Variants in LZTS1 observed in about 807,000 individuals in gnomAD.
The protein encoded by LZTS1 is leucine zipper tumor suppressor 1.
A neutral mutation model predicts 45.8 loss-of-function variants in LZTS1; 31 were observed. That is an observed-to-expected ratio of 0.68 (90% CI 0.51 to 0.91). LZTS1 has a LOEUF of 0.91. Among genes scored for constraint, LZTS1 ranks in the 40% least tolerant of loss-of-function variants. The pLI, the probability that LZTS1 is intolerant of heterozygous loss-of-function variation, is 0.00. For synonymous variants in LZTS1, 359 were observed against 357.3 expected (o/e 1.00, Z -0.05); for missense variants, 821 against 788.9 (o/e 1.04, Z -0.49).
At chr8:20,279,963 G>A (rs1248996318) in intron 1 of LZTS1, among the ~76,000 whole-genome samples, 5 of 111,468 alleles carry the variant, frequency 4.5e-5, no homozygotes, top group Admixed American at 2.0e-4. Flanking sequence ...GAGAGAAACC[G>A]TGTCTCAAAA....
At chr8:20,269,946 CACTA>C (rs1800439130) in intron 1 of LZTS1, among the ~76,000 whole-genome samples, 1 of 152,174 alleles carries the variant, frequency 6.6e-6, no homozygotes, top group Non-Finnish European at 1.5e-5. Context: ...GGGAGCCTCT[CACTA>C]ACGGGCACCC....
chr8:20,254,729 T>A (rs1348818098), intron 2 of LZTS1, 108 bp downstream of exon 2: 1 of 903,112 alleles, frequency 1.1e-6, no homozygotes, highest in Non-Finnish European at 1.6e-6. Flanking sequence ...TTTTGAGGAG[T>A]CTGAATGCTC....
chr8:20,303,691 G>A, intron 1 of LZTS1, 49 bp downstream of exon 1: 1 of 985,490 alleles, frequency 1.0e-6, no homozygotes, highest in Non-Finnish European at 1.2e-6. Context: ...CCGCAGCCAG[G>A]GCAGCAGACC....
intron 1 of LZTS1, among the ~76,000 whole-genome samples, chr8:20,263,293 G>A (rs1800281603): frequency 6.6e-6 from 1 of 151,792 alleles, no homozygotes; most frequent in African/African-American, 2.4e-5. Context: ...GCCCCTCTGG[G>A]CTCAGTTTCC....
intron 1 of LZTS1, among the ~76,000 whole-genome samples, chr8:20,300,335 T>A (rs1391745032): frequency 6.6e-6 from 1 of 151,080 alleles, no homozygotes; most frequent in Non-Finnish European, 1.5e-5. Context: ...AACACTGTAT[T>A]TTTTTTTTCT....
chr8:20,254,509 G>T (rs73669754), intron 2 of LZTS1, among the ~76,000 whole-genome samples: 1 of 152,126 alleles, frequency 6.6e-6, no homozygotes, highest in Non-Finnish European at 1.5e-5. Flanking sequence ...TCTCCTTCCC[G>T]AGGCTTGGCA....
Position 20,270,973 on chromosome 8 carries a change from A to G in LZTS1, c.-134-15658T>C, listed in dbSNP as rs528467905. 1.3e-4 allele frequency among the ~76,000 whole-genome samples: 20 copies of G among 152,114 alleles called. No individual in the cohort carries two copies. The South Asian group carries it at 2.1e-3, about 16-fold the overall frequency. ...CAGATTCCTGACTTTGGGTGCTGGA[A>G]ATGACCTGGCGTGGCACGAAGAGTT... On this transcript the variant is annotated intron_variant, in intron 1 of 3. Transcript: ENST00000381569.
chr8:20,260,023 C>G (rs1249741209), intron 1 of LZTS1, among the ~76,000 whole-genome samples: 2 of 152,108 alleles, frequency 1.3e-5, no homozygotes, highest in Non-Finnish European at 2.9e-5. Flanking sequence ...CACCTTAGCC[C>G]CAGAGTAGAT....
intron 1 of LZTS1, among the ~76,000 whole-genome samples, chr8:20,284,209 C>T (rs940219984): frequency 1.8e-4 from 28 of 152,194 alleles, no homozygotes; most frequent in African/African-American, 1.4e-4. Context: ...CAAACAAACA[C>T]GCTTTGAGAA....
At chr8:20,265,605 G>C (rs988936821) in intron 1 of LZTS1, among the ~76,000 whole-genome samples, 4 of 143,250 alleles carry the variant, frequency 2.8e-5, no homozygotes, top group Non-Finnish European at 6.0e-5. Flanking sequence ...CTTCAGGCTA[G>C]GAGTTGGAGG....
At chr8:20,268,759 G>C (rs912777733) in intron 1 of LZTS1, among the ~76,000 whole-genome samples, 3 of 152,056 alleles carry the variant, frequency 2.0e-5, no homozygotes, top group Admixed American at 1.3e-4. Context: ...TGAGGTGCTG[G>C]GGGGAGAGGC....
rs1318667728 is a variant in LZTS1, at chr8:20,247,897, G to A, written c.*1825C>T. ...CTCAGCAGGCAGCAGGCGCAGGCAT[G>A]TGGGAAGGGATGCTGTCCTGAGAAC... On this transcript the variant is annotated 3_prime_UTR_variant, in exon 4 of 4. Coordinates refer to ENST00000381569, the MANE Select transcript of LZTS1 (RefSeq NM_021020.5). 1.3e-5 allele frequency: 2 copies of A among 152,824 alleles called. No individual in the cohort carries two copies. The highest frequency in any genetic ancestry group is 4.8e-5 in the African/African-American group (2 of 41,474). 9.5% of individuals were successfully genotyped at this position (152,824 alleles called of 1,614,324 possible).
chr8:20,288,493 G>GAC (rs1800837730), intron 1 of LZTS1, among the ~76,000 whole-genome samples: 1 of 152,158 alleles, frequency 6.6e-6, no homozygotes, highest in African/African-American at 2.4e-5. Context: ...GACGATGTAC[G>GAC]ACACACACAT....
chr8:20,266,708 C>T (rs764785498), intron 1 of LZTS1, among the ~76,000 whole-genome samples: 13 of 152,200 alleles, frequency 8.5e-5, no homozygotes, highest in Non-Finnish European at 1.3e-4. Flanking sequence ...ATGAATTTAA[C>T]CAAAAATGCA....
rs776604163 is a variant in LZTS1, at chr8:20,252,990, C to A, written c.941G>T (p.Gly314Val). 1 of 1,588,268 alleles carries A rather than the reference C, an allele frequency of 6.3e-7. No individual in the cohort carries two copies. The highest frequency in any genetic ancestry group is 8.6e-7 in the Non-Finnish European group (1 of 1,167,588). Residue 314 changes from glycine to valine, a missense_variant, in exon 3 of 4, where the codon GGC becomes GTC. Physicochemically the swap from Gly to Val is moderately radical, Grantham distance 109 (BLOSUM62 -3). Coordinates refer to ENST00000381569, the MANE Select transcript of LZTS1 (RefSeq NM_021020.5). Reference sequence around the variant, plus strand: ...CTGCGAGGCCTGCTTGAGCTTGTTGCCGCCTTTGGGCTCCGGGCCCTCCAG... The same window carrying A: ...CTGCGAGGCCTGCTTGAGCTTGTTGACGCCTTTGGGCTCCGGGCCCTCCAG... ...DELEGPEPKG[G>V]NKLKQASQKS...
At chr8:20,294,467 G>T (rs1413705213) in intron 1 of LZTS1, among the ~76,000 whole-genome samples, 1 of 152,186 alleles carries the variant, frequency 6.6e-6, no homozygotes, top group Non-Finnish European at 1.5e-5. Context: ...CTCCTTCAGG[G>T]GCCGGCTCGC....
At chr8:20,254,289 T>C (rs1041326583) in intron 2 of LZTS1, among the ~76,000 whole-genome samples, 1 of 152,164 alleles carries the variant, frequency 6.6e-6, no homozygotes, top group African/African-American at 2.4e-5. Flanking sequence ...TGCCTGGGCC[T>C]CCTTTGCCCT....
At chr8:20,292,487 C>G (rs1800916722) in intron 1 of LZTS1, among the ~76,000 whole-genome samples, 1 of 152,224 alleles carries the variant, frequency 6.6e-6, no homozygotes, top group African/African-American at 2.4e-5. Flanking sequence ...GCGACCAGCA[C>G]AGCCTTTGCT....
chr8:20,299,629 C>CT (rs1359390960), intron 1 of LZTS1, among the ~76,000 whole-genome samples: 1 of 152,056 alleles, frequency 6.6e-6, no homozygotes, highest in Non-Finnish European at 1.5e-5. Flanking sequence ...AAAAGAAAAA[C>CT]TTAAATCGCC....
Sources: allele counts gnomAD v4.1 joint callset (sites outside exome capture counted in the v4.1 genomes callset), GRCh38; gene constraint gnomAD v4.1.1; transcripts MANE v1.5; gene names NCBI Gene and HGNC (gene_info 2026-07-23, HGNC 2026-07-21).